Variants in JAK2 observed in about 807,000 individuals in gnomAD.
JAK2 encodes Janus kinase 2.
In JAK2, 86 loss-of-function variants were observed where a neutral mutation model predicts 139.3. The observed-to-expected ratio is 0.62, with a 90% CI of 0.52 to 0.74. JAK2 has a LOEUF of 0.74. JAK2 is among the 30% of genes least tolerant of loss of function. The probability of loss-of-function intolerance (pLI) is 0.00; values close to 1 mark genes in which losing one functional copy is unlikely to be tolerated. For missense variants in JAK2, 1,421 were observed against 1,360.3 expected (o/e 1.04, Z -0.70); for synonymous variants, 490 against 437.7 (o/e 1.12, Z -1.49).
intron 22 of JAK2, among the ~76,000 whole-genome samples, chr9:5,093,056 G>A (rs1033141545): frequency 6.6e-6 from 1 of 151,968 alleles, no homozygotes; most frequent in African/African-American, 2.4e-5. Context: ...ACATTACACT[G>A]GTCTAATCTA....
At chr9:5,068,089 G>A (rs1002233286) in intron 10 of JAK2, among the ~76,000 whole-genome samples, 1 of 151,878 alleles carries the variant, frequency 6.6e-6, no homozygotes, top group African/African-American at 2.4e-5. Context: ...GAACCCGGGA[G>A]GTGGAGGTTG....
At chr9:5,020,358 C>T (rs1317116684) in intron 2 of JAK2, among the ~76,000 whole-genome samples, 15 of 152,136 alleles carry the variant, frequency 9.9e-5, no homozygotes, top group Admixed American at 7.2e-4. Context: ...TGCTTGGATA[C>T]GTGGGAGTGG....
At chr9:5,036,361 A>T (rs979625028) in intron 4 of JAK2, among the ~76,000 whole-genome samples, 44 of 152,328 alleles carry the variant, frequency 2.9e-4, no homozygotes, top group African/African-American at 9.6e-4. Context: ...TTCTTCACAG[A>T]ATTGGAAAAA....
At chr9:5,020,611 A>C (rs1180125625) in intron 2 of JAK2, among the ~76,000 whole-genome samples, 1 of 152,058 alleles carries the variant, frequency 6.6e-6, no homozygotes, top group Non-Finnish European at 1.5e-5. Context: ...AGATGTGATG[A>C]AGCTGTACTC....
chr9:5,078,607 C>G (rs1172111850), intron 16 of JAK2, among the ~76,000 whole-genome samples, 163 bp downstream of exon 16: 1 of 152,056 alleles, frequency 6.6e-6, no homozygotes, highest in Non-Finnish European at 1.5e-5. Flanking sequence ...AAATCTTAGT[C>G]TCTATTTTTC....
At chr9:5,105,142 C>T (rs1000842677) in intron 22 of JAK2, among the ~76,000 whole-genome samples, 8 of 152,136 alleles carry the variant, frequency 5.3e-5, no homozygotes. Flanking sequence ...GATGACACGA[C>T]TGTATATTTA....
intron 22 of JAK2, chr9:5,111,059 T>C: frequency 2.6e-6 from 3 of 1,132,648 alleles, no homozygotes; most frequent in Non-Finnish European, 3.8e-6. Flanking sequence ...GGTTCAGGTC[T>C]TGAGAACTGG....
At chr9:5,076,054 C>G (rs535418388) in intron 14 of JAK2, among the ~76,000 whole-genome samples, 4 of 152,118 alleles carry the variant, frequency 2.6e-5, no homozygotes, top group Non-Finnish European at 5.9e-5. Flanking sequence ...AGAAGTGGAG[C>G]TTGAAGATGT....
At chr9:5,060,265 G>A (rs1009602817) in intron 8 of JAK2, among the ~76,000 whole-genome samples, 4 of 152,178 alleles carry the variant, frequency 2.6e-5, no homozygotes, top group Non-Finnish European at 5.9e-5. Flanking sequence ...GGCTGCTTAA[G>A]GTTGGGTTGG....
intron 8 of JAK2, among the ~76,000 whole-genome samples, chr9:5,059,285 A>G (rs1452360698): frequency 2.6e-5 from 4 of 152,196 alleles, no homozygotes; most frequent in Non-Finnish European, 5.9e-5. Context: ...AGTTTTATCT[A>G]TTAATAAAGG....
chr9:5,081,693 A>G (rs1469669655), intron 18 of JAK2, 32 bp from the exon 19 acceptor site: 1 of 1,507,802 alleles, frequency 6.6e-7, no homozygotes, highest in Non-Finnish European at 9.2e-7. Context: ...TTATTTGCTA[A>G]TTTAAGGTGA....
At chr9:5,121,868 G>A (rs952470052) in intron 22 of JAK2, among the ~76,000 whole-genome samples, 1 of 152,162 alleles carries the variant, frequency 6.6e-6, no homozygotes, top group Non-Finnish European at 1.5e-5. Flanking sequence ...AGTGCTATAT[G>A]AAAACCAGAG....
chr9:5,051,226 G>A (rs903011084), intron 6 of JAK2, among the ~76,000 whole-genome samples: 15 of 152,150 alleles, frequency 9.9e-5, no homozygotes, highest in Non-Finnish European at 1.8e-4. Flanking sequence ...ATTATTTAAA[G>A]AGTTGTACTA....
At chr9:5,107,043 A>G (rs983047456) in intron 22 of JAK2, among the ~76,000 whole-genome samples, 1 of 152,180 alleles carries the variant, frequency 6.6e-6, no homozygotes, top group African/African-American at 2.4e-5. Flanking sequence ...AAATATATAT[A>G]CATCACTTTA....
chr9:5,056,391 G>C (rs1479999911), intron 8 of JAK2, among the ~76,000 whole-genome samples: 1 of 151,874 alleles, frequency 6.6e-6, no homozygotes, highest in Non-Finnish European at 1.5e-5. Flanking sequence ...TTTTAACTCA[G>C]ATGCTTCTTG....
At chr9:5,106,466 T>C (rs1371166129) in intron 22 of JAK2, among the ~76,000 whole-genome samples, 3 of 152,148 alleles carry the variant, frequency 2.0e-5, no homozygotes, top group Non-Finnish European at 4.4e-5. Context: ...TGTAAACTAG[T>C]TCAACCACTG....
intron 4 of JAK2, 131 bp from the exon 5 acceptor site, chr9:5,044,272 T>A: frequency 1.6e-6 from 1 of 634,208 alleles, no homozygotes; most frequent in Non-Finnish European, 2.8e-6. Context: ...CACATTTATA[T>A]TTAATACTGT....
chr9:5,050,893 A>G (rs2130379903), intron 6 of JAK2, 62 bp downstream of exon 6: 2 of 1,414,124 alleles, frequency 1.4e-6, no homozygotes, highest in Non-Finnish European at 2.0e-6. Context: ...TAATTCGTAT[A>G]TATTTTCTGT....
chr9:5,125,254 A>T (rs1404522879), intron 23 of JAK2, among the ~76,000 whole-genome samples: 1 of 151,076 alleles, frequency 6.6e-6, no homozygotes, highest in Non-Finnish European at 1.5e-5. Context: ...AAGTTCACTT[A>T]TATAAATATA....
Sources: gnomAD v4.1 joint callset for allele counts (sites outside exome capture counted in the v4.1 genomes callset) on GRCh38, gnomAD v4.1.1 for gene constraint, MANE v1.5 for transcripts, NCBI Gene and HGNC (gene_info 2026-07-23, HGNC 2026-07-21) for gene names.